Variants in TRIM10 observed in about 807,000 individuals in gnomAD.
TRIM10 encodes tripartite motif-containing protein 10.
A neutral mutation model predicts 40.0 loss-of-function variants in TRIM10; 42 were observed. That is an observed-to-expected ratio of 1.05 (90% CI 0.82 to 1.36). TRIM10 has a LOEUF of 1.36. Ranked by LOEUF, TRIM10 falls within the 40% of genes most tolerant of loss-of-function variation. The pLI, the probability that TRIM10 is intolerant of heterozygous loss-of-function variation, is 0.00. For missense variants in TRIM10, 601 were observed against 608.3 expected, an observed-to-expected ratio of 0.99 and a Z score of 0.13; for synonymous variants, 260 against 239.5, an observed-to-expected ratio of 1.09 and a Z score of -0.79.
rs1405189588 is a variant in TRIM10, at chr6:30,154,565, C to A, written c.929-79G>T. 1.0e-5 allele frequency: 16 copies of A among 1,559,006 alleles called. No homozygotes were observed. In the East Asian group the frequency reaches 2.7e-4, roughly 26 times the overall value. On this transcript the variant is annotated intron_variant, in intron 6 of 6. Coordinates refer to ENST00000449742, the MANE Select transcript of TRIM10 (RefSeq NM_006778.4). ...GGAAGGCATAGAAACTCCCCCTGGG[C>A]CCCTCCTGTTAGTGTTATTATTACC... is the stretch of plus-strand genomic sequence containing the variant.
Position 30,156,470 on chromosome 6 carries a change from C to T in TRIM10, c.895+469G>A, listed in dbSNP as rs1220866559. ...GAAGTGGAGCACAGTCCCCGTAGGACCGTCTAACTCTGAGCCAGACTAACA... is the reference window on the plus strand; with the variant it reads ...GAAGTGGAGCACAGTCCCCGTAGGATCGTCTAACTCTGAGCCAGACTAACA... On this transcript the variant is annotated intron_variant, in intron 5 of 6. Coordinates refer to ENST00000449742, the MANE Select transcript of TRIM10 (RefSeq NM_006778.4). Among the ~76,000 whole-genome samples, 3 of 151,984 alleles carry T rather than the reference C, an allele frequency of 2.0e-5. 1 individual carries two copies. Among genetic ancestry groups the T allele is most frequent in the Admixed American group, 6.6e-5 (1 of 15,246 alleles).
Position 30,153,830 on chromosome 6 carries a change from CCA to C in TRIM10, c.*137_*138del. On this transcript the variant is annotated 3_prime_UTR_variant, in exon 7 of 7. Coordinates refer to ENST00000449742, the MANE Select transcript of TRIM10 (RefSeq NM_006778.4). ...TGAGAGTCCTCTCTTCTATCCCTTA[CCA>C]CCCGGCCCCATCCCATCTTCTAAAG... 6.2e-7 allele frequency: 1 copy of C among 1,609,532 alleles called. No individual in the cohort carries two copies. The highest frequency in any genetic ancestry group is 8.5e-7 in the Non-Finnish European group (1 of 1,177,486).
chr6:30,154,432 T>C lies in TRIM10; in HGVS notation c.983A>G (p.Asp328Gly), dbSNP rs1772331827. 1.9e-6 allele frequency: 3 copies of C among 1,612,868 alleles called. No individual in the cohort carries two copies. Among genetic ancestry groups the C allele is most frequent in the Non-Finnish European group, 2.5e-6 (3 of 1,180,006 alleles). The change falls in exon 7 of 7, where the codon GAC becomes GGC. Residue 328 changes from aspartate to glycine, a missense_variant. Transcript: ENST00000449742. ...TSHPKLLLSE[D>G]HQRAQFSYKW... ...GTAGGAGAACTGAGCTCGCTGGTGG[T>C]CCTCGGACAAGAGGAGCTTGGGGTG...
chr6:30,163,541 C>CCT (rs200720900), upstream of TRIM10: 762 of 1,075,022 alleles, frequency 7.1e-4, no homozygotes, highest in East Asian at 1.8e-3. Context: ...GGCATTCTTG[C>CCT]CTCTCTCTCT....
intron 1 of TRIM10, among the ~76,000 whole-genome samples, chr6:30,159,781 C>T (rs1007219535): frequency 1.1e-4 from 16 of 152,126 alleles, no homozygotes; most frequent in African/African-American, 2.9e-4. Context: ...GGTACACACA[C>T]GATAAATATG....
At position 30,154,358 on chromosome 6, in the gene TRIM10, A is replaced by G; in HGVS notation, c.1057T>C (p.Cys353Arg). The G allele has an allele frequency of 7.4e-6, 12 of 1,613,062 alleles. No homozygotes were observed. Among genetic ancestry groups the G allele is most frequent in the Non-Finnish European group, 1.0e-5 (12 of 1,180,020 alleles). Reference protein sequence around the residue: ...DNPQRFDRATCVLAHTGITGG... With the variant: ...DNPQRFDRATRVLAHTGITGG... ...GTGATGCCAGTGTGGGCCAGAACAC[A>G]GGTGGCCCGGTCAAAACGTTGGGGG... is the stretch of plus-strand genomic sequence containing the variant. The change falls in exon 7 of 7, where the codon TGT becomes CGT. Residue 353 changes from cysteine (C) to arginine (R), a missense_variant. Transcript: ENST00000449742.
At chr6:30,162,263 G>A (rs1349933255), upstream of TRIM10, among the ~76,000 whole-genome samples, 2 of 137,822 alleles carry the variant, frequency 1.5e-5, no homozygotes, top group Non-Finnish European at 3.0e-5. Context: ...GAGACAGAGC[G>A]AGACTCCATT....
At chr6:30,159,061 C>A in intron 2 of TRIM10, 89 bp downstream of exon 2, 1 of 853,342 alleles carries the variant, frequency 1.2e-6, no homozygotes, top group Non-Finnish European at 2.0e-6. Flanking sequence ...ATAATAACTT[C>A]AAAGCCCTAT....
intron 6 of TRIM10, chr6:30,154,793 G>A (rs115122915): frequency 0.021 from 13,641 of 659,994 alleles, 236 homozygotes; most frequent in African/African-American, 0.047. Context: ...CTCACCGCAA[G>A]TTGGCTGGTT....
rs1220797929 is a variant in TRIM10, at chr6:30,152,422, T to C, written c.*1547A>G. The C allele has an allele frequency of 6.6e-6, 1 of 152,260 alleles. No homozygotes were observed. Among genetic ancestry groups the C allele is most frequent in the Non-Finnish European group, 1.5e-5 (1 of 68,046 alleles). The allele number at this position is 152,260 out of a possible 1,614,324, so 9.4% of individuals were successfully genotyped here. A position where few individuals can be genotyped will look rare whatever the true frequency, so the allele number is the denominator to read the frequency against. On this transcript the variant is annotated 3_prime_UTR_variant, in exon 7 of 7. Transcript: ENST00000449742. ...ATCATTATATAGGCACTTGTGTGTGTCTGTATTTTTTTGAATATACAACAT... is the reference window on the plus strand; with the variant it reads ...ATCATTATATAGGCACTTGTGTGTGCCTGTATTTTTTTGAATATACAACAT...
intron 3 of TRIM10, among the ~76,000 whole-genome samples, chr6:30,157,952 C>T (rs927773319): frequency 6.6e-6 from 1 of 152,150 alleles, no homozygotes; most frequent in South Asian, 2.1e-4. Context: ...CATTCTAAGT[C>T]ATGCTGCCTT....
In TRIM10 at chr6:30,160,878, C is replaced by A. The variant is rs771457552; in HGVS notation, c.-20G>T. On this transcript the variant is annotated 5_prime_UTR_variant, in exon 1 of 7. Coordinates refer to ENST00000449742, the MANE Select transcript of TRIM10 (RefSeq NM_006778.4). Reference sequence around the variant, plus strand: ...GGCCATGCTGGTCCTGCTGCTATGGCTTCCTCAAGGCCACTCTCTCTGCTT... The same window carrying A: ...GGCCATGCTGGTCCTGCTGCTATGGATTCCTCAAGGCCACTCTCTCTGCTT... 1.3e-6 allele frequency: 2 copies of A among 1,584,560 alleles called. No homozygotes were observed. The highest frequency in any genetic ancestry group is 8.6e-7 in the Non-Finnish European group (1 of 1,168,638).
At chr6:30,162,024 C>T (rs1212166197), upstream of TRIM10, among the ~76,000 whole-genome samples, 4 of 149,576 alleles carry the variant, frequency 2.7e-5, no homozygotes. Flanking sequence ...GCCTGTAATC[C>T]CAGCACTTTG....
At chr6:30,160,303 T>C (rs1772950002) in intron 1 of TRIM10, 127 bp downstream of exon 1, 2 of 1,025,808 alleles carry the variant, frequency 1.9e-6, no homozygotes, top group African/African-American at 3.2e-5. Flanking sequence ...CTGGGTCTAT[T>C]GCCTGGGTGA....
At position 30,154,231 on chromosome 6, in the gene TRIM10, C is replaced by G. The variant is rs778815171; in HGVS notation, c.1184G>C (p.Arg395Pro). 5 of 1,612,864 alleles carry G rather than the reference C, an allele frequency of 3.1e-6. No individual in the cohort carries two copies. The highest frequency in any genetic ancestry group is 4.2e-6 in the Non-Finnish European group (5 of 1,179,918). Reference sequence around the variant, plus strand: ...CCACACCCCCTCCTCTGGCCGCAGCCGAAGCTCCCCCTTCCGCTGCACATC... The same window carrying G: ...CCACACCCCCTCCTCTGGCCGCAGCGGAAGCTCCCCCTTCCGCTGCACATC... The part of the protein sequence containing the change: ...SEDVQRKGEL[R>P]LRPEEGVWAV... Residue 395 changes from arginine (R) to proline (P), a missense_variant, in exon 7 of 7, where the codon CGG (arginine) becomes CCG (proline). Coordinates refer to ENST00000449742, the MANE Select transcript of TRIM10 (RefSeq NM_006778.4).
At chr6:30,162,602 G>T (rs553228691), upstream of TRIM10, among the ~76,000 whole-genome samples, 4 of 152,310 alleles carry the variant, frequency 2.6e-5, no homozygotes, top group African/African-American at 9.6e-5. Context: ...GTGAAGGACC[G>T]TGGCTGCAGA....
chr6:30,154,771 A>T, intron 6 of TRIM10: 1 of 678,658 alleles, frequency 1.5e-6, no homozygotes, highest in Non-Finnish European at 2.7e-6. Context: ...GGTCCTCGGG[A>T]AAGCTCTTCT....
Position 30,158,573 on chromosome 6 carries a change from C to A in TRIM10, c.582G>T (p.Lys194Asn). 6.2e-7 allele frequency: 1 copy of A among 1,613,080 alleles called. No homozygotes were observed. Among genetic ancestry groups the A allele is most frequent in the South Asian group, 1.1e-5 (1 of 91,078 alleles). Residue 194 changes from lysine (K) to asparagine (N), a missense_variant, in exon 3 of 7, where the codon AAG (lysine) becomes AAT (asparagine). Lys to Asn is a moderately conservative substitution (Grantham distance 94). Coordinates refer to ENST00000449742, the MANE Select transcript of TRIM10 (RefSeq NM_006778.4). ...QVISEFAHLR[K>N]FLEEQQSILL... Reference sequence around the variant, plus strand: ...GGATGCTCTGCTGTTCCTCTAGAAACTTCCTCAGGTGTGCGAACTCAGAAA... The same window carrying A: ...GGATGCTCTGCTGTTCCTCTAGAAAATTCCTCAGGTGTGCGAACTCAGAAA...
chr6:30,158,722 T>G (rs985978837), intron 2 of TRIM10, 93 bp from the exon 3 acceptor site: 1 of 1,007,394 alleles, frequency 9.9e-7, no homozygotes, highest in Non-Finnish European at 1.5e-6. Context: ...GATCTGGAAC[T>G]GTGTCATGGT....
Sources: allele counts gnomAD v4.1 joint callset (sites outside exome capture counted in the v4.1 genomes callset), GRCh38; gene constraint gnomAD v4.1.1; transcripts MANE v1.5; gene names NCBI Gene and HGNC (gene_info 2026-07-23, HGNC 2026-07-21).